Variants in MSANTD5 observed in about 807,000 individuals in gnomAD.
MSANTD5 encodes the protein uncharacterized protein MSANTD5.
chr5:178,696,313 C>T (rs191223816), intron 1 of MSANTD5, 132 bp from the exon 2 acceptor site: 1 of 152,194 alleles, frequency 6.6e-6, no homozygotes, highest in African/African-American at 2.4e-5. Flanking sequence ...ACTTCTGCCT[C>T]CTGGGTTCAA....
downstream of MSANTD5, among the ~76,000 whole-genome samples, chr5:178,692,451 A>G (rs1299963601): frequency 1.3e-5 from 2 of 152,016 alleles, no homozygotes; most frequent in African/African-American, 4.8e-5. Flanking sequence ...TATTTATCCC[A>G]AAGGAAGTCT....
the MSANTD5 span, among the ~76,000 whole-genome samples, chr5:178,706,359 A>C: frequency 1.3e-5 from 2 of 151,916 alleles, no homozygotes; most frequent in Non-Finnish European, 2.9e-5. Flanking sequence ...AATTTCCCCA[A>C]ATGGTCCTCC....
At chr5:178,698,706 G>A (rs1765446105), upstream of MSANTD5, among the ~76,000 whole-genome samples, 1 of 150,248 alleles carries the variant, frequency 6.7e-6, no homozygotes, top group Non-Finnish European at 1.5e-5. Context: ...CAGCCTCGCA[G>A]GTAGCTAGGA....
At chr5:178,701,579 G>A (rs1197592152), upstream of MSANTD5, among the ~76,000 whole-genome samples, 1 of 150,972 alleles carries the variant, frequency 6.6e-6, no homozygotes, top group Non-Finnish European at 1.5e-5. Flanking sequence ...GGCTGAGGTA[G>A]GAGAATCTCT....
At chr5:178,702,098 A>G (rs973077366), upstream of MSANTD5, among the ~76,000 whole-genome samples, 1 of 151,130 alleles carries the variant, frequency 6.6e-6, no homozygotes, top group Non-Finnish European at 1.5e-5. Context: ...AAAAAAAAAT[A>G]AAAAAAGAAA....
At chr5:178,701,745 T>A (rs976046382), upstream of MSANTD5, among the ~76,000 whole-genome samples, 1 of 148,050 alleles carries the variant, frequency 6.8e-6, no homozygotes, top group Non-Finnish European at 1.5e-5. Context: ...TTTATTATTT[T>A]AAAAATATAT....
upstream of MSANTD5, among the ~76,000 whole-genome samples, chr5:178,701,907 A>G (rs1266002367): frequency 1.3e-5 from 2 of 150,630 alleles, no homozygotes; most frequent in Non-Finnish European, 3.0e-5. Context: ...CTAATTTTGT[A>G]TTTTTAGTAG....
At chr5:178,703,278 G>A in the MSANTD5 span, among the ~76,000 whole-genome samples, 2 of 152,220 alleles carry the variant, frequency 1.3e-5, no homozygotes, top group African/African-American at 4.8e-5. Flanking sequence ...CCCGTGTCAG[G>A]GTGCTTGGGC....
At chr5:178,700,100 C>A (rs115989192), upstream of MSANTD5, among the ~76,000 whole-genome samples, 305 of 152,262 alleles carry the variant, frequency 2.0e-3, 1 homozygote, top group African/African-American at 6.7e-3. Flanking sequence ...GCTCCCATCA[C>A]CAGTCACCCA....
upstream of MSANTD5, among the ~76,000 whole-genome samples, chr5:178,698,975 C>G (rs1414534377): frequency 6.6e-6 from 1 of 152,054 alleles, no homozygotes; most frequent in Non-Finnish European, 1.5e-5. Context: ...ATACCACCAT[C>G]TCTTCATTTC....
chr5:178,699,940 C>CTCGGT (rs1554092736), upstream of MSANTD5, among the ~76,000 whole-genome samples: 7 of 61,770 alleles, frequency 1.1e-4, no homozygotes, highest in African/African-American at 1.6e-4. Flanking sequence ...TGTGGCTTTC[C>CTCGGT]AGCACAGACA....
chr5:178,701,134 C>T (rs527882196), upstream of MSANTD5, among the ~76,000 whole-genome samples: 6 of 152,176 alleles, frequency 3.9e-5, no homozygotes, highest in East Asian at 1.9e-4. Flanking sequence ...CCACCACGCC[C>T]GGCTAATTTT....
upstream of MSANTD5, among the ~76,000 whole-genome samples, chr5:178,700,363 G>A (rs977188500): frequency 5.9e-5 from 9 of 152,160 alleles, no homozygotes; most frequent in African/African-American, 1.7e-4. Context: ...CAGCTGGAAG[G>A]CTTTCTCAAA....
chr5:178,702,291 C>CTTTTTT (rs906079918), upstream of MSANTD5, among the ~76,000 whole-genome samples: 16 of 142,182 alleles, frequency 1.1e-4, no homozygotes, highest in African/African-American at 3.6e-4. Flanking sequence ...ATTTTTCTTT[C>CTTTTTT]TTTTTTTTTC....
chr5:178,700,339 C>T (rs1331406657), upstream of MSANTD5, among the ~76,000 whole-genome samples: 1 of 152,208 alleles, frequency 6.6e-6, no homozygotes, highest in African/African-American at 2.4e-5. Context: ...CCAGTCCTGA[C>T]TCTACAATGG....
downstream of MSANTD5, among the ~76,000 whole-genome samples, chr5:178,692,072 T>TAAAA (rs58907781): frequency 2.2e-5 from 2 of 91,178 alleles, no homozygotes; most frequent in Admixed American, 1.2e-4. Flanking sequence ...TGGCAGTTTC[T>TAAAA]AAAAAAAAAA....
upstream of MSANTD5, among the ~76,000 whole-genome samples, chr5:178,697,994 G>T (rs1765437111): frequency 6.6e-6 from 1 of 152,188 alleles, no homozygotes. Context: ...GATGCAAAGG[G>T]ATGGGTTGTT....
the MSANTD5 span, among the ~76,000 whole-genome samples, chr5:178,703,929 C>T: frequency 1.3e-5 from 2 of 148,766 alleles, no homozygotes; most frequent in African/African-American, 2.5e-5. Flanking sequence ...TGCAGTGAGC[C>T]GAGATCACGC....
At chr5:178,699,302 C>T (rs1765452368), upstream of MSANTD5, among the ~76,000 whole-genome samples, 3 of 152,224 alleles carry the variant, frequency 2.0e-5, no homozygotes. Context: ...AGGGTTTCTG[C>T]CCTGCTATAA....
Sources: allele counts gnomAD v4.1 joint callset (sites outside exome capture counted in the v4.1 genomes callset), GRCh38; gene constraint gnomAD v4.1.1; transcripts MANE v1.5; gene names NCBI Gene and HGNC (gene_info 2026-07-23, HGNC 2026-07-21).